ANKRD62: variants seen among roughly 807,000 people sequenced by gnomAD.
ANKRD62 encodes the protein ankyrin repeat domain-containing protein 62.
Under a neutral mutation model 98.8 loss-of-function variants are expected in ANKRD62, and 61 were observed. That is an observed-to-expected ratio of 0.62 (90% CI 0.50 to 0.76). ANKRD62 has a LOEUF of 0.76. Among genes scored for constraint, ANKRD62 ranks in the 30% least tolerant of loss-of-function variants. The probability of loss-of-function intolerance (pLI) is 0.00; values close to 1 mark genes in which losing one functional copy is unlikely to be tolerated. For synonymous variants in ANKRD62, 341 were observed against 367.9 expected, an observed-to-expected ratio of 0.93 and a Z score of 0.84; for missense variants, 933 against 1,082.9, an observed-to-expected ratio of 0.86 and a Z score of 1.94.
At chr18:12,133,942 G>GA (rs762728287), downstream of ANKRD62, among the ~76,000 whole-genome samples, 2 of 151,896 alleles carry the variant, frequency 1.3e-5, no homozygotes, top group South Asian at 4.2e-4. Flanking sequence ...TTGCCCCAAA[G>GA]AAAAAAATAT....
the ANKRD62 span, among the ~76,000 whole-genome samples, chr18:12,171,500 G>A: frequency 4.3e-3 from 649 of 152,338 alleles, 3 homozygotes; most frequent in African/African-American, 0.014. Flanking sequence ...TTTCTGCCGA[G>A]AGATCCGCTG....
chr18:12,152,177 CAAAAAAAA>C, the ANKRD62 span, among the ~76,000 whole-genome samples: 9 of 68,264 alleles, frequency 1.3e-4, no homozygotes, highest in African/African-American at 3.9e-4. Flanking sequence ...GAAATGCTTC[CAAAAAAAA>C]AAAAAAAAAA....
At chr18:12,166,119 T>C in the ANKRD62 span, among the ~76,000 whole-genome samples, 3 of 152,116 alleles carry the variant, frequency 2.0e-5, no homozygotes, top group Admixed American at 2.0e-4. Flanking sequence ...AGGTAGTCTG[T>C]TTTGGATTAA....
chr18:12,123,244 A>G (rs1909819672), intron 11 of ANKRD62, among the ~76,000 whole-genome samples: 1 of 150,092 alleles, frequency 6.7e-6, no homozygotes, highest in South Asian at 2.1e-4. Flanking sequence ...AGTAGAGATG[A>G]GGTTTTGCCA....
At chr18:12,140,252 T>A in the ANKRD62 span, among the ~76,000 whole-genome samples, 1,773 of 152,114 alleles carry the variant, frequency 0.012, 31 homozygotes, top group African/African-American at 0.041. Context: ...ATTCATCTAA[T>A]TTTTTTTCAA....
intron 7 of ANKRD62, among the ~76,000 whole-genome samples, chr18:12,103,431 G>C (rs1193778395): frequency 1.3e-5 from 2 of 151,906 alleles, no homozygotes; most frequent in Non-Finnish European, 2.9e-5. Context: ...TTGGAACTGA[G>C]GCAAAAAGTT....
Position 12,093,948 on chromosome 18 carries a change from C to A in ANKRD62, c.-70C>A, listed in dbSNP as rs1327566813. The A allele has an allele frequency of 7.6e-6, 11 of 1,455,930 alleles. No individual in the cohort carries two copies. The highest frequency in any genetic ancestry group is 1.0e-5 in the Non-Finnish European group (11 of 1,077,860). 90.2% of individuals were successfully genotyped at this position (1,455,930 alleles called of 1,614,324 possible). A position where few individuals can be genotyped will look rare whatever the true frequency, so the allele number is the denominator to read the frequency against. On this transcript the variant is annotated 5_prime_UTR_variant, in exon 1 of 14. Coordinates refer to ENST00000587848, the MANE Select transcript of ANKRD62 (RefSeq NM_001277333.2). ...GTGCTGGTGCTGCGCTCCAGAGAGG[C>A]AGAAAACGAGTGGGAGCTGAGGTGT...
At chr18:12,123,974 C>T (rs1161945521) in intron 11 of ANKRD62, among the ~76,000 whole-genome samples, 163 bp from the exon 12 acceptor site, 1 of 152,042 alleles carries the variant, frequency 6.6e-6, no homozygotes, top group African/African-American at 2.4e-5. Flanking sequence ...TCCTTACTAC[C>T]TTTCAATTTA....
At chr18:12,132,497 A>G (rs1010604211), downstream of ANKRD62, among the ~76,000 whole-genome samples, 9 of 151,710 alleles carry the variant, frequency 5.9e-5, no homozygotes, top group African/African-American at 2.2e-4. Context: ...AAGTGATTAC[A>G]GTGGCTCGAA....
chr18:12,169,842 C>T, the ANKRD62 span, among the ~76,000 whole-genome samples: 2 of 152,134 alleles, frequency 1.3e-5, no homozygotes, highest in Non-Finnish European at 2.9e-5. Flanking sequence ...TCAACTTCTT[C>T]CTGGTTTAGT....
chr18:12,137,657 G>A, the ANKRD62 span, among the ~76,000 whole-genome samples: 4 of 152,164 alleles, frequency 2.6e-5, no homozygotes, highest in African/African-American at 9.7e-5. Context: ...GGTAGAATTC[G>A]GCTGTGAATC....
intron 11 of ANKRD62, among the ~76,000 whole-genome samples, chr18:12,123,617 T>C (rs1435144299): frequency 1.3e-5 from 2 of 152,206 alleles, no homozygotes; most frequent in African/African-American, 4.8e-5. Flanking sequence ...GGGTAACATC[T>C]TAGATTCTTT....
Position 12,125,814 on chromosome 18 carries a change from T to C in ANKRD62, c.1993T>C (p.Cys665Arg). 1.9e-6 allele frequency: 3 copies of C among 1,549,644 alleles called. No homozygotes were observed. Among genetic ancestry groups the C allele is most frequent in the East Asian group, 2.4e-5 (1 of 41,030 alleles). The change falls in exon 13 of 14, where the codon TGT becomes CGT. Residue 665 changes from cysteine to arginine, a missense_variant. Coordinates refer to ENST00000587848, the MANE Select transcript of ANKRD62 (RefSeq NM_001277333.2). ...CCGTTGTAGACTGGCTGCTGCCCTA[T>C]GTGATCATGATCAACGTCAGTCATC... The part of the protein sequence containing the change: ...SYRCRLAAAL[C>R]DHDQRQSSKR...
chr18:12,102,499 A>G (rs890142439), intron 6 of ANKRD62: 1 of 390,670 alleles, frequency 2.6e-6, no homozygotes, highest in Non-Finnish European at 4.9e-6. Flanking sequence ...AAGGTCATCC[A>G]CCAACCCCCA....
At chr18:12,121,899 G>A (rs944168195) in intron 10 of ANKRD62, among the ~76,000 whole-genome samples, 2 of 152,278 alleles carry the variant, frequency 1.3e-5, no homozygotes, top group Admixed American at 6.5e-5. Context: ...AGCACGTGCC[G>A]CAGACTAGCC....
At chr18:12,155,623 TTCTTTATTC>T in the ANKRD62 span, among the ~76,000 whole-genome samples, 1 of 152,156 alleles carries the variant, frequency 6.6e-6, no homozygotes, top group African/African-American at 2.4e-5. Flanking sequence ...AAGTTCCCCT[TTCTTTATTC>T]TCTTTATTCC....
chr18:12,150,745 G>A, the ANKRD62 span, among the ~76,000 whole-genome samples: 1 of 152,270 alleles, frequency 6.6e-6, no homozygotes, highest in Non-Finnish European at 1.5e-5. Flanking sequence ...ATTCAGACAA[G>A]CAAAAGTTGA....
the ANKRD62 span, among the ~76,000 whole-genome samples, chr18:12,139,268 G>C: frequency 4.6e-5 from 7 of 152,110 alleles, no homozygotes; most frequent in Non-Finnish European, 7.3e-5. Flanking sequence ...GCATTTGCTT[G>C]TCTGTAAAGT....
intron 6 of ANKRD62, chr18:12,102,777 GTTA>G (rs1477894288): frequency 1.7e-5 from 17 of 994,112 alleles, no homozygotes; most frequent in Non-Finnish European, 2.0e-5. Context: ...GGTTTAGTGT[GTTA>G]TTATAAAGGT....
Sources: gnomAD v4.1 joint callset for allele counts (sites outside exome capture counted in the v4.1 genomes callset) on GRCh38, gnomAD v4.1.1 for gene constraint, MANE v1.5 for transcripts, NCBI Gene and HGNC (gene_info 2026-07-23, HGNC 2026-07-21) for gene names.